DDX4: variants seen among roughly 807,000 people sequenced by gnomAD.
DDX4 encodes the protein probable ATP-dependent RNA helicase DDX4.
A neutral mutation model predicts 100.0 loss-of-function variants in DDX4; 25 were observed. The observed-to-expected ratio is 0.25, with a 90% CI of 0.18 to 0.35. DDX4 has a LOEUF of 0.35. Among genes scored for constraint, DDX4 ranks in the 10% least tolerant of loss-of-function variants. DDX4 has a pLI of 1.00. For missense variants in DDX4, 635 were observed against 882.4 expected, an observed-to-expected ratio of 0.72 and a Z score of 3.55; for synonymous variants, 259 against 275.7, an observed-to-expected ratio of 0.94 and a Z score of 0.60.
intron 17 of DDX4, among the ~76,000 whole-genome samples, chr5:55,795,088 C>T (rs1742844244): frequency 6.6e-6 from 1 of 152,022 alleles, no homozygotes; most frequent in Non-Finnish European, 1.5e-5. Context: ...CCCTCAGCCT[C>T]CTGAGTGGCT....
At chr5:55,808,880 C>G (rs1379239984) in intron 18 of DDX4, among the ~76,000 whole-genome samples, 2 of 152,220 alleles carry the variant, frequency 1.3e-5, no homozygotes, top group Non-Finnish European at 2.9e-5. Context: ...GAGGATTCTG[C>G]TGCCTTTTGT....
chr5:55,810,221 C>T (rs1328978276), intron 18 of DDX4, among the ~76,000 whole-genome samples: 1 of 152,150 alleles, frequency 6.6e-6, no homozygotes, highest in Non-Finnish European at 1.5e-5. Flanking sequence ...TCTCCTCCCT[C>T]AGCCTCCCCA....
chr5:55,806,124 A>G (rs547015501), intron 18 of DDX4, among the ~76,000 whole-genome samples: 1 of 152,316 alleles, frequency 6.6e-6, no homozygotes, highest in East Asian at 1.9e-4. Flanking sequence ...AGGTGTTTGT[A>G]GCATTCTCTG....
chr5:55,794,371 T>C (rs904670067), intron 17 of DDX4, among the ~76,000 whole-genome samples: 4 of 150,192 alleles, frequency 2.7e-5, no homozygotes, highest in African/African-American at 4.9e-5. Flanking sequence ...TTTTTTTTTT[T>C]GTATTTTTAG....
chr5:55,739,906 A>AT (rs1354749848), intron 2 of DDX4, among the ~76,000 whole-genome samples: 12 of 150,754 alleles, frequency 8.0e-5, no homozygotes, highest in African/African-American at 2.9e-4. Flanking sequence ...CTTTTTTTTT[A>AT]TTTTTTAAAA....
rs537421129 is a variant in DDX4, at chr5:55,794,963, C to CTT, written c.1469+2171_1469+2172dup. 6.9e-3 allele frequency among the ~76,000 whole-genome samples: 971 copies of CTT among 140,866 alleles called. 3 individuals are homozygous for CTT. The highest frequency in any genetic ancestry group is 0.01 in the Non-Finnish European group (678 of 64,722). 92.4% of individuals were successfully genotyped at this position (140,866 alleles called of 152,430 possible). ...CTAATCTCTCTCTGTAGCCCCAGAC[C>CTT]TTTTTTTTTTTTTTTTCTTGAGACA... On this transcript the variant is annotated intron_variant, in intron 17 of 21. Coordinates refer to ENST00000505374, the MANE Select transcript of DDX4 (RefSeq NM_024415.3).
At chr5:55,769,795 G>A (rs1230953913) in intron 7 of DDX4, among the ~76,000 whole-genome samples, 11 of 152,026 alleles carry the variant, frequency 7.2e-5, no homozygotes, top group Admixed American at 2.0e-4. Context: ...CCAAAACAGC[G>A]TGGTACTGGT....
At chr5:55,813,615 T>G in intron 18 of DDX4, 58 bp from the exon 19 acceptor site, 1 of 1,491,850 alleles carries the variant, frequency 6.7e-7, no homozygotes, top group Non-Finnish European at 8.9e-7. Flanking sequence ...CTATCCCTGC[T>G]TTATTTTTCA....
chr5:55,778,539 G>C (rs1741708675), intron 7 of DDX4, among the ~76,000 whole-genome samples: 1 of 152,168 alleles, frequency 6.6e-6, no homozygotes, highest in Non-Finnish European at 1.5e-5. Flanking sequence ...AGATACAATA[G>C]AGTGTTCAGC....
intron 7 of DDX4, among the ~76,000 whole-genome samples, chr5:55,768,450 CT>C (rs1741060533): frequency 6.6e-6 from 1 of 152,126 alleles, no homozygotes; most frequent in Admixed American, 6.6e-5. Context: ...CTGCAAAGGA[CT>C]TTATGTCATT....
intron 18 of DDX4, among the ~76,000 whole-genome samples, chr5:55,799,312 C>G (rs760983134): frequency 6.6e-6 from 1 of 152,158 alleles, no homozygotes; most frequent in Non-Finnish European, 1.5e-5. Flanking sequence ...ATCCTCCCAC[C>G]TTGTCCTTCC....
chr5:55,764,513 T>C (rs945465658), intron 6 of DDX4, among the ~76,000 whole-genome samples: 2 of 152,106 alleles, frequency 1.3e-5, no homozygotes, highest in East Asian at 3.8e-4. Flanking sequence ...CAGAGAATGA[T>C]GAGAATGATG....
At chr5:55,772,778 A>G (rs1741330720) in intron 7 of DDX4, among the ~76,000 whole-genome samples, 3 of 152,274 alleles carry the variant, frequency 2.0e-5, no homozygotes, top group East Asian at 3.9e-4. Context: ...ACCTTCAGCC[A>G]TGGGTGGAAG....
chr5:55,783,666 G>GATGGATGA (rs1742064370), intron 10 of DDX4, among the ~76,000 whole-genome samples: 1 of 125,424 alleles, frequency 8.0e-6, no homozygotes, highest in African/African-American at 2.9e-5. Context: ...TGGATGGATG[G>GATGGATGA]ATGGATGGAT....
rs192187662 is a variant in DDX4, at chr5:55,782,469, G to A, written c.625+488G>A. The stretch of plus-strand genomic sequence containing the variant: ...AAAACTTAGCTGGGCATGGTGGTGT[G>A]TGCCTGTAGTGCCAGCTACTCAGGA... On this transcript the variant is annotated intron_variant, in intron 10 of 21. Transcript: ENST00000505374. 6 of 155,374 alleles carry A rather than the reference G, an allele frequency of 3.9e-5. No homozygotes were observed. The East Asian group carries it at 1.1e-3, about 29-fold the overall frequency. The allele number at this position is 155,374 out of a possible 1,614,324, so 9.6% of individuals were successfully genotyped here.
chr5:55,764,237 A>T (rs142432840), intron 6 of DDX4, among the ~76,000 whole-genome samples, 173 bp downstream of exon 6: 2 of 152,310 alleles, frequency 1.3e-5, no homozygotes, highest in African/African-American at 4.8e-5. Context: ...GTACATAAAG[A>T]ATTCAGGCAT....
intron 21 of DDX4, among the ~76,000 whole-genome samples, chr5:55,816,021 A>G (rs982760191): frequency 6.7e-6 from 1 of 150,262 alleles, no homozygotes. Flanking sequence ...CCTGGCCTCA[A>G]GTGATCCACC....
chr5:55,801,335 CA>C (rs889005926), intron 18 of DDX4, among the ~76,000 whole-genome samples: 1 of 151,736 alleles, frequency 6.6e-6, no homozygotes, highest in African/African-American at 2.4e-5. Flanking sequence ...CCAAGGAAGC[CA>C]AAAGATTGGA....
At chr5:55,765,413 A>AATATATATATATATATATAT (rs397997793) in intron 6 of DDX4, among the ~76,000 whole-genome samples, 8 of 83,004 alleles carry the variant, frequency 9.6e-5, no homozygotes, top group African/African-American at 3.5e-4. Context: ...AAAAAAAAAA[A>AATATATATATATATATATAT]ATATATATAT....
Sources: gnomAD v4.1 joint callset for allele counts (sites outside exome capture counted in the v4.1 genomes callset) on GRCh38, gnomAD v4.1.1 for gene constraint, MANE v1.5 for transcripts, NCBI Gene and HGNC (gene_info 2026-07-23, HGNC 2026-07-21) for gene names.